CDH4: variants seen among roughly 807,000 people sequenced by gnomAD.
The protein encoded by CDH4 is cadherin-4.
CDH4 carries 33 observed loss-of-function variants against 86.0 expected under a neutral mutation model. The ratio of observed to expected loss-of-function variants is 0.38; its 90% CI spans 0.29 to 0.51. CDH4 has a LOEUF of 0.51. Ranked by LOEUF, CDH4 falls within the 20% of genes least tolerant of loss-of-function variation. CDH4 has a pLI of 0.86. For synonymous variants in CDH4, 555 were observed against 549.4 expected (o/e 1.01, Z -0.14); for missense variants, 1,114 against 1,307.4 (o/e 0.85, Z 2.28).
rs559425798 is a variant in CDH4 at position 61,629,831 on chromosome 20, T to C, written c.170-113732T>C. Among the ~76,000 whole-genome samples, 99 of 152,304 alleles carry C rather than the reference T, an allele frequency of 6.5e-4. 1 individual carries two copies. The highest frequency in any genetic ancestry group is 2.0e-3 in the African/African-American group (84 of 41,576). ...CCTGCAGCCTGGAGCCTGAGTCCGA[T>C]GCGGCGCCTTCCTTAGATGGTCTTC... On this transcript the variant is annotated intron_variant, in intron 2 of 15. Transcript: ENST00000614565.
At position 61,772,925 on chromosome 20, in the gene CDH4, A is replaced by G. The variant is rs145304788; in HGVS notation, c.397-78A>G. ...CTCTCAGTCTCGGGCAGTACAGATCATCTTAGCAGATGCCATTTTCCTCTG... is the reference window on the plus strand; with the variant it reads ...CTCTCAGTCTCGGGCAGTACAGATCGTCTTAGCAGATGCCATTTTCCTCTG... On this transcript the variant is annotated intron_variant, in intron 3 of 15. Coordinates refer to ENST00000614565, the MANE Select transcript of CDH4 (RefSeq NM_001794.5). 325 of 1,335,682 alleles carry G rather than the reference A, an allele frequency of 2.4e-4. No homozygotes were observed. In the African/African-American group the frequency reaches 4.4e-3, roughly 18 times the overall value. The allele number at this position is 1,335,682 out of a possible 1,614,324, so 82.7% of individuals were successfully genotyped here.
chr20:61,362,184 G>T (rs931600536), intron 2 of CDH4, among the ~76,000 whole-genome samples: 17 of 152,210 alleles, frequency 1.1e-4, no homozygotes, highest in African/African-American at 4.1e-4. Flanking sequence ...AGGTCCAGGT[G>T]GGGGCACAGC....
intron 2 of CDH4, among the ~76,000 whole-genome samples, chr20:61,399,614 C>A (rs1568829865): frequency 6.6e-6 from 1 of 152,198 alleles, no homozygotes; most frequent in Admixed American, 6.5e-5. Context: ...GAGGTCCTAT[C>A]CGGTTGGTCT....
intron 2 of CDH4, chr20:61,719,078 C>T (rs565013662): frequency 6.8e-5 from 32 of 470,950 alleles, no homozygotes; most frequent in Non-Finnish European, 1.1e-4. Context: ...GAAGTGCTGG[C>T]GAAAGCAAAT....
intron 2 of CDH4, among the ~76,000 whole-genome samples, chr20:61,361,083 G>A (rs896803092): frequency 2.0e-5 from 3 of 152,156 alleles, no homozygotes. Context: ...AGACGAGGCT[G>A]GCGTCATAGA....
intron 2 of CDH4, among the ~76,000 whole-genome samples, chr20:61,315,404 A>G (rs1464130331): frequency 6.6e-6 from 1 of 152,198 alleles, no homozygotes; most frequent in African/African-American, 2.4e-5. Flanking sequence ...CCCTGGGGAC[A>G]GGTGGGTGCC....
intron 2 of CDH4, among the ~76,000 whole-genome samples, chr20:61,611,592 A>G (rs1475162489): frequency 6.6e-6 from 1 of 152,040 alleles, no homozygotes; most frequent in Non-Finnish European, 1.5e-5. Flanking sequence ...TCTGGGCCAC[A>G]TTTGGGTTCA....
intron 2 of CDH4, among the ~76,000 whole-genome samples, chr20:61,734,536 G>T (rs867664781): frequency 1.4e-4 from 22 of 152,252 alleles, no homozygotes; most frequent in Non-Finnish European, 2.9e-5. Context: ...GGGAGGGACG[G>T]CCTTGGTTGT....
intron 2 of CDH4, among the ~76,000 whole-genome samples, chr20:61,374,529 T>C (rs2084856412): frequency 6.6e-6 from 1 of 152,158 alleles, no homozygotes. Context: ...GACAACAGTT[T>C]CCTCAGCTGT....
In CDH4 at chr20:61,487,656, C is replaced by A. The variant is rs532883125; in HGVS notation, c.169+232719C>A. On this transcript the variant is annotated intron_variant, in intron 2 of 15. Coordinates refer to ENST00000614565, the MANE Select transcript of CDH4 (RefSeq NM_001794.5). Reference sequence around the variant, plus strand: ...AACTAAATGCAATCTGACAAGACAACCCTTCAGCAGGTTAATTTGTACTAG... The same window carrying A: ...AACTAAATGCAATCTGACAAGACAAACCTTCAGCAGGTTAATTTGTACTAG... Among the ~76,000 whole-genome samples, 540 of 152,294 alleles carry A rather than the reference C, an allele frequency of 3.5e-3. 2 individuals carry two copies. Among genetic ancestry groups the A allele is most frequent in the African/African-American group, 0.013 (526 of 41,560 alleles).
At chr20:61,346,281 A>AGG (rs35771493) in intron 2 of CDH4, among the ~76,000 whole-genome samples, 19,751 of 152,114 alleles carry the variant, frequency 0.13, 1,694 homozygotes, top group East Asian at 0.32. Context: ...AGACGGCCCC[A>AGG]GGGGCCATGA....
intron 4 of CDH4, among the ~76,000 whole-genome samples, chr20:61,836,569 G>C (rs1266546992): frequency 6.6e-6 from 1 of 152,174 alleles, no homozygotes; most frequent in Non-Finnish European, 1.5e-5. Context: ...AGTAATTGAA[G>C]GCTGAATTTC....
chr20:61,465,955 G>A (rs1182392433), intron 2 of CDH4, among the ~76,000 whole-genome samples: 5 of 151,240 alleles, frequency 3.3e-5, no homozygotes, highest in African/African-American at 9.7e-5. Flanking sequence ...TGCCTGCCAC[G>A]GGTTCACAAA....
chr20:61,594,801 C>T (rs1032962698), intron 2 of CDH4, among the ~76,000 whole-genome samples: 2 of 152,224 alleles, frequency 1.3e-5, no homozygotes, highest in South Asian at 4.1e-4. Flanking sequence ...AAGACATCTT[C>T]GCTGACCCAC....
chr20:61,354,590 G>T (rs2084735875), intron 2 of CDH4, among the ~76,000 whole-genome samples: 1 of 152,234 alleles, frequency 6.6e-6, no homozygotes, highest in Non-Finnish European at 1.5e-5. Flanking sequence ...CATCTGAGGG[G>T]CTGTCCTGAC....
chr20:61,647,554 T>TCTCCCC, intron 2 of CDH4, among the ~76,000 whole-genome samples: 1 of 106,802 alleles, frequency 9.4e-6, no homozygotes, highest in Non-Finnish European at 2.1e-5. Flanking sequence ...TCCCTCTCCC[T>TCTCCCC]CTCCCTCTCC....
intron 2 of CDH4, among the ~76,000 whole-genome samples, chr20:61,654,117 C>T (rs1003155327): frequency 1.4e-4 from 22 of 152,144 alleles, no homozygotes; most frequent in Non-Finnish European, 3.1e-4. Context: ...CACGCCACTG[C>T]ACTCCAGCCT....
At chr20:61,777,921 TGTGCATACAC>T (rs1039532388) in intron 4 of CDH4, among the ~76,000 whole-genome samples, 4 of 147,918 alleles carry the variant, frequency 2.7e-5, no homozygotes, top group African/African-American at 7.5e-5. Context: ...CACATCCACA[TGTGCATACAC>T]GTGCATACTA....
chr20:61,495,052 G>T (rs1009522807), intron 2 of CDH4, among the ~76,000 whole-genome samples: 10 of 152,254 alleles, frequency 6.6e-5, no homozygotes, highest in African/African-American at 2.4e-4. Flanking sequence ...AGGTTCAGGG[G>T]CCCATGGCAG....
Sources: allele counts gnomAD v4.1 joint callset (sites outside exome capture counted in the v4.1 genomes callset), GRCh38; gene constraint gnomAD v4.1.1; transcripts MANE v1.5; gene names NCBI Gene and HGNC (gene_info 2026-07-23, HGNC 2026-07-21).